MTA1: variants seen among roughly 807,000 people sequenced by gnomAD.
The protein encoded by MTA1 is metastasis associated 1.
A neutral mutation model predicts 97.0 loss-of-function variants in MTA1; 15 were observed. The observed-to-expected ratio is 0.15, with a 90% CI of 0.10 to 0.24. MTA1 has a LOEUF of 0.24. MTA1 is among the 10% of genes least tolerant of loss of function. The probability of loss-of-function intolerance (pLI) is 1.00; values close to 1 mark genes in which losing one functional copy is unlikely to be tolerated. For missense variants in MTA1, 709 were observed against 1,015.1 expected (o/e 0.70, Z 4.10); for synonymous variants, 435 against 417.5 (o/e 1.04, Z -0.51).
chr14:105,438,588 G>GC (rs2082400970), intron 1 of MTA1, 84 bp from the exon 2 acceptor site: 1 of 1,228,018 alleles, frequency 8.1e-7, no homozygotes, highest in African/African-American at 1.5e-5. Flanking sequence ...CCCCGCCTGA[G>GC]CCCCGAGTCC....
At chr14:105,452,300 AAC>A in intron 6 of MTA1, among the ~76,000 whole-genome samples, 1 of 152,370 alleles carries the variant, frequency 6.6e-6, no homozygotes, top group East Asian at 1.9e-4. Context: ...AGAGTGCAGA[AAC>A]AGCACACAGC....
At chr14:105,421,644 C>T (rs1003554916) in intron 1 of MTA1, among the ~76,000 whole-genome samples, 2 of 152,206 alleles carry the variant, frequency 1.3e-5, no homozygotes, top group Non-Finnish European at 2.9e-5. Flanking sequence ...GCCTGGCTGC[C>T]CCCCCTCCAA....
chr14:105,443,893 A>C (rs1302868213), intron 2 of MTA1, among the ~76,000 whole-genome samples: 1 of 152,066 alleles, frequency 6.6e-6, no homozygotes, highest in Non-Finnish European at 1.5e-5. Flanking sequence ...GATAGAGACC[A>C]TCCTGGCCAA....
At position 105,450,283 on chromosome 14, in the gene MTA1, C is replaced by T. The variant is rs1555428287; in HGVS notation, c.391C>T (p.Leu131Phe). 1 of 1,608,136 alleles carries T rather than the reference C, an allele frequency of 6.2e-7. No homozygotes were observed. The highest frequency in any genetic ancestry group is 1.7e-5 in the Admixed American group (1 of 59,912). The change falls in exon 6 of 21, where the codon CTC (leucine) becomes TTC (phenylalanine). Residue 131 changes from leucine to phenylalanine, a missense_variant. Around this residue, in one of 2 missense-constraint regions of MTA1, gnomAD observed 321 missense variants for 593.5 expected, o/e 0.54. Transcript: ENST00000331320. ...CAGGGGCAAGTGCAGCGTCACCCTGCTCAACGAGACCGAGTCGCTCAAGTC... is the reference window on the plus strand; with the variant it reads ...CAGGGGCAAGTGCAGCGTCACCCTGTTCAACGAGACCGAGTCGCTCAAGTC... ...HIRGKCSVTL[L>F]NETESLKSYL...
intron 1 of MTA1, among the ~76,000 whole-genome samples, chr14:105,427,248 T>C (rs997443294): frequency 2.0e-5 from 3 of 152,272 alleles, no homozygotes; most frequent in Non-Finnish European, 2.9e-5. Context: ...TGCGTGGTGC[T>C]TGGGTGCCTG....
At chr14:105,454,581 C>CT in intron 7 of MTA1, 1 of 324,912 alleles carries the variant, frequency 3.1e-6, no homozygotes, top group South Asian at 4.4e-5. Flanking sequence ...TGCACAGTGA[C>CT]ACCTGGTTTC....
intron 3 of MTA1, 100 bp downstream of exon 3, chr14:105,445,611 C>A: frequency 8.3e-7 from 1 of 1,211,406 alleles, no homozygotes; most frequent in Non-Finnish European, 1.2e-6. Flanking sequence ...ATCCTGGCCT[C>A]GTGGGGCCAC....
intron 10 of MTA1, among the ~76,000 whole-genome samples, chr14:105,462,094 G>A (rs1160984755): frequency 2.6e-5 from 4 of 152,222 alleles, no homozygotes; most frequent in African/African-American, 7.2e-5. Context: ...CTGCGGCTGC[G>A]GGGCCATGCC....
At chr14:105,464,996 A>G in intron 15 of MTA1, 98 bp from the exon 16 acceptor site, 2 of 1,424,038 alleles carry the variant, frequency 1.4e-6, no homozygotes, top group Admixed American at 2.6e-5. Flanking sequence ...CGGTGCTGAC[A>G]TGGCCGAGCC....
chr14:105,430,592 G>A (rs144077171), intron 1 of MTA1, among the ~76,000 whole-genome samples: 126 of 152,268 alleles, frequency 8.3e-4, no homozygotes, highest in East Asian at 7.5e-3. Flanking sequence ...CTTGATGCAC[G>A]TTGCCACAAA....
chr14:105,470,380 C>T lies in MTA1; in HGVS notation c.*165C>T, dbSNP rs781787480. The T allele has an allele frequency of 3.5e-5, 20 of 566,004 alleles. No individual in the cohort carries two copies. The highest frequency in any genetic ancestry group is 1.2e-4 in the African/African-American group (6 of 49,144). 35.1% of individuals were successfully genotyped at this position (566,004 alleles called of 1,614,324 possible). ...CACTGGGGGAGGAGAGGAAGAAGCG[C>T]GGCTAACTTATTCCGAGAATGCCGA... On this transcript the variant is annotated 3_prime_UTR_variant, in exon 21 of 21. Transcript: ENST00000331320.
chr14:105,454,007 A>G (rs1567030387), intron 6 of MTA1, among the ~76,000 whole-genome samples, 186 bp from the exon 7 acceptor site: 1 of 152,090 alleles, frequency 6.6e-6, no homozygotes. Flanking sequence ...GCCCCGCTGT[A>G]GGCTCCTCCC....
In MTA1 at chr14:105,444,272, G is replaced by A. The variant is rs368243215; in HGVS notation, c.97-1146G>A. On this transcript the variant is annotated intron_variant, in intron 2 of 20. Transcript: ENST00000331320. ...CGCCTGTAGTCCCAGCTACTCGGGA[G>A]GCTGAGGCAGGAGAATGGCGTGAAC... Among the ~76,000 whole-genome samples the A allele has an allele frequency of 4.5e-3, 691 of 152,168 alleles. 5 individuals carry two copies. Among genetic ancestry groups the A allele is most frequent in the African/African-American group, 0.016 (653 of 41,506 alleles).
chr14:105,464,683 G>C lies in MTA1; in HGVS notation c.1354G>C (p.Gly452Arg). 1 of 1,603,556 alleles carries C rather than the reference G, an allele frequency of 6.2e-7. No homozygotes were observed. Among genetic ancestry groups the C allele is most frequent in the Non-Finnish European group, 8.5e-7 (1 of 1,173,298 alleles). ...GCGCCCCCTTCCGCAGAGTCCCCAC[G>C]GCCTCCCAGCCCGGAGCAGCGGGAG... Reference protein sequence around the residue: ...GPNRSNMSPHGLPARSSGSPK... With the variant: ...GPNRSNMSPHRLPARSSGSPK... Residue 452 changes from glycine (G) to arginine (R), a missense_variant, in exon 15 of 21, where the codon GGC (glycine) becomes CGC (arginine). By Grantham distance (125) the Gly-to-Arg change is moderately radical. This residue lies in a region of MTA1 where 388 missense variants were observed against 421.6 expected (regional missense o/e 0.92). Coordinates refer to ENST00000331320, the MANE Select transcript of MTA1 (RefSeq NM_004689.4).
rs1555421630 is a variant in MTA1 at position 105,424,040 on chromosome 14, C to T, written c.28+3977C>T. On this transcript the variant is annotated intron_variant, in intron 1 of 20. Coordinates refer to ENST00000331320, the MANE Select transcript of MTA1 (RefSeq NM_004689.4). The surrounding 1 kb of genome is among the most constrained non-coding windows in gnomAD (Gnocchi z 4.0). ...GGGAGTGGTAGAAGTGGCAGGGGCC[C>T]AGGTGTGATGTCCTGGAGGGGATGG... is the stretch of plus-strand genomic sequence containing the variant. Among the ~76,000 whole-genome samples, 1 of 152,208 alleles carries T rather than the reference C, an allele frequency of 6.6e-6. No individual in the cohort carries two copies. The highest frequency in any genetic ancestry group is 1.5e-5 in the Non-Finnish European group (1 of 68,036).
Position 105,466,560 on chromosome 14 carries a change from C to G in MTA1, c.1759C>G (p.Gln587Glu). ...CATCCTGGGCAAGCGCAGCTACGAG[C>G]AGCACAACGGGGTGGACGGTGAGTG... is the stretch of plus-strand genomic sequence containing the variant. The part of the protein sequence containing the change: ...PTILGKRSYE[Q>E]HNGVDGNMKK... Residue 587 changes from glutamine (Q) to glutamate (E), a missense_variant, in exon 17 of 21, where the codon CAG becomes GAG. By Grantham distance (29) the Gln-to-Glu change is conservative. This residue lies in a region of MTA1 where 388 missense variants were observed against 421.6 expected (regional missense o/e 0.92). Coordinates refer to ENST00000331320, the MANE Select transcript of MTA1 (RefSeq NM_004689.4). The G allele has an allele frequency of 6.3e-7, 1 of 1,582,208 alleles. No individual in the cohort carries two copies. Among genetic ancestry groups the G allele is most frequent in the South Asian group, 1.2e-5 (1 of 86,700 alleles).
intron 14 of MTA1, 42 bp from the exon 15 acceptor site, chr14:105,464,632 G>T (rs185491095): frequency 1.2e-6 from 2 of 1,608,310 alleles, no homozygotes; most frequent in Non-Finnish European, 1.7e-6. Flanking sequence ...CTCGGCCCCC[G>T]GTCATGGCGC....
At position 105,422,190 on chromosome 14, in the gene MTA1, G is replaced by C. The variant is rs76660765; in HGVS notation, c.28+2127G>C. On this transcript the variant is annotated intron_variant, in intron 1 of 20. Coordinates refer to ENST00000331320, the MANE Select transcript of MTA1 (RefSeq NM_004689.4). The surrounding 1 kb of genome is among the most constrained non-coding windows in gnomAD (Gnocchi z 4.3). ...CTGTAGGCCTCCCCCTCTCTACTCT[G>C]ACTGTCCCTATAGGAGAAGCGGCAT... Among the ~76,000 whole-genome samples the C allele has an allele frequency of 1.2e-3, 185 of 152,266 alleles. No individual in the cohort carries two copies. The highest frequency in any genetic ancestry group is 4.8e-3 in the East Asian group (25 of 5,176).
intron 14 of MTA1, 39 bp downstream of exon 14, chr14:105,464,606 G>GTCGGCCACGCGGGTCC (rs1555432016): frequency 1.2e-6 from 2 of 1,611,046 alleles, no homozygotes; most frequent in Admixed American, 1.7e-5. Flanking sequence ...CCATGAGCCT[G>GTCGGCCACGCGGGTCC]TCGGCCACGC....
Sources: gnomAD v4.1 joint callset for allele counts (sites outside exome capture counted in the v4.1 genomes callset) on GRCh38, gnomAD v4.1.1 for gene constraint, gnomAD v4.1.1 regional missense constraint, Gnocchi (gnomAD v3.1) non-coding constraint, MANE v1.5 for transcripts, NCBI Gene and HGNC (gene_info 2026-07-23, HGNC 2026-07-21) for gene names.